Variants in LCP1 observed in about 807,000 individuals in gnomAD.
The protein encoded by LCP1 is lymphocyte cytosolic protein 1.
A neutral mutation model predicts 72.0 loss-of-function variants in LCP1; 23 were observed. The observed-to-expected ratio is 0.32, with a 90% CI of 0.23 to 0.45. The LOEUF (loss-of-function observed/expected upper bound fraction) is 0.45. Ranked by LOEUF, LCP1 falls within the 20% of genes least tolerant of loss-of-function variation. The probability of loss-of-function intolerance (pLI) is 1.00; values close to 1 mark genes in which losing one functional copy is unlikely to be tolerated. For synonymous variants in LCP1, 245 were observed against 275.4 expected (o/e 0.89, Z 1.09); for missense variants, 571 against 748.3 (o/e 0.76, Z 2.76).
At chr13:46,148,023 G>C (rs1354081550) in intron 9 of LCP1, among the ~76,000 whole-genome samples, 1 of 152,236 alleles carries the variant, frequency 6.6e-6, no homozygotes, top group Non-Finnish European at 1.5e-5. Context: ...CTCAAGATCA[G>C]TATTAAAGTG....
intron 1 of LCP1, among the ~76,000 whole-genome samples, chr13:46,181,254 T>C (rs1332476203): frequency 6.6e-6 from 1 of 152,236 alleles, no homozygotes; most frequent in Non-Finnish European, 1.5e-5. Context: ...TGTCAATGGT[T>C]CTTAGTGTTA....
At chr13:46,162,499 G>A (rs1319567950) in intron 1 of LCP1, among the ~76,000 whole-genome samples, 2 of 151,962 alleles carry the variant, frequency 1.3e-5, no homozygotes, top group Admixed American at 6.6e-5. Flanking sequence ...ACGGGGTTTC[G>A]CTGTGTTGGC....
rs1254594327 is a variant in LCP1, at chr13:46,127,449, C to T, written c.*142G>A. 2.0e-6 allele frequency: 2 copies of T among 1,012,146 alleles called. No individual in the cohort carries two copies. The highest frequency in any genetic ancestry group is 2.9e-6 in the Non-Finnish European group (2 of 699,434). 62.7% of individuals were successfully genotyped at this position (1,012,146 alleles called of 1,614,324 possible). ...TTTTTGTTAAATACAGGAGAGGCTA[C>T]TTGGCTGCACTAATATGTGCTTTTT... On this transcript the variant is annotated 3_prime_UTR_variant, in exon 16 of 16. Coordinates refer to ENST00000323076, the MANE Select transcript of LCP1 (RefSeq NM_002298.5).
chr13:46,152,889 G>A lies in LCP1; in HGVS notation c.630C>T (p.Asn210=), dbSNP rs745658598. ...CCTCCTTCAGGTCCTCAGCCCCTAT[G>A]TTGACCACATGGCACCCGATGGCTG... ...SASAIGCHVV[N]IGAEDLKEGK... The change falls in exon 7 of 16, where the codon AAC becomes AAT. Residue 210 remains asparagine, a synonymous_variant. Transcript: ENST00000323076. 3 of 1,614,110 alleles carry A rather than the reference G, an allele frequency of 1.9e-6. No individual in the cohort carries two copies. Among genetic ancestry groups the A allele is most frequent in the Non-Finnish European group, 2.5e-6 (3 of 1,180,010 alleles).
intron 10 of LCP1, 68 bp downstream of exon 10, chr13:46,146,840 G>T (rs2045733523): frequency 2.0e-6 from 3 of 1,485,606 alleles, no homozygotes; most frequent in Non-Finnish European, 2.8e-6. Flanking sequence ...TAGGAAGTGA[G>T]TTTGAATTGC....
chr13:46,132,447 T>C (rs893666325), intron 14 of LCP1, among the ~76,000 whole-genome samples: 5 of 152,170 alleles, frequency 3.3e-5, no homozygotes, highest in African/African-American at 1.2e-4. Context: ...TTACTAGCCA[T>C]ACTCTTAGGA....
intron 13 of LCP1, among the ~76,000 whole-genome samples, chr13:46,135,125 A>AAG (rs36091052): frequency 0.13 from 15,051 of 118,882 alleles, 1,230 homozygotes; most frequent in Non-Finnish European, 0.19. Flanking sequence ...AAAAAAAAAG[A>AAG]AAAAAAAAAA....
chr13:46,177,077 T>C (rs777577070), intron 1 of LCP1, among the ~76,000 whole-genome samples: 1 of 152,210 alleles, frequency 6.6e-6, no homozygotes, highest in Non-Finnish European at 1.5e-5. Flanking sequence ...ACAGGCTCCT[T>C]GTACTTGCAA....
chr13:46,160,553 T>G (rs79012506), intron 1 of LCP1, among the ~76,000 whole-genome samples: 1 of 152,234 alleles, frequency 6.6e-6, no homozygotes, highest in Non-Finnish European at 1.5e-5. Context: ...GACCCTCTCA[T>G]AATTCAGCTA....
chr13:46,171,556 C>T (rs370291568), intron 1 of LCP1, among the ~76,000 whole-genome samples: 49 of 152,224 alleles, frequency 3.2e-4, no homozygotes, highest in African/African-American at 1.1e-3. Context: ...AGAAAAGGGT[C>T]CTCTTTGCCC....
intron 6 of LCP1, 137 bp downstream of exon 6, chr13:46,154,668 G>A: frequency 1.5e-6 from 1 of 662,474 alleles, no homozygotes; most frequent in Non-Finnish European, 2.7e-6. Context: ...CTTTATCCCT[G>A]AAGTATGACA....
chr13:46,143,265 G>T, intron 12 of LCP1, 25 bp downstream of exon 12: 1 of 1,537,542 alleles, frequency 6.5e-7, no homozygotes, highest in Non-Finnish European at 9.0e-7. Context: ...CTGTCTCCTG[G>T]AACAACAGAA....
chr13:46,167,147 G>A (rs1324653705), intron 1 of LCP1, among the ~76,000 whole-genome samples: 2 of 152,140 alleles, frequency 1.3e-5, no homozygotes, highest in African/African-American at 4.8e-5. Flanking sequence ...GGAAGGTAGG[G>A]GGAAGGCTAT....
chr13:46,151,968 T>C (rs1019452164), intron 7 of LCP1, among the ~76,000 whole-genome samples: 5 of 152,240 alleles, frequency 3.3e-5, no homozygotes, highest in Admixed American at 6.5e-5. Flanking sequence ...GACAGCTACA[T>C]ATTTAGTTGA....
chr13:46,131,410 T>A (rs1436975300), intron 14 of LCP1, among the ~76,000 whole-genome samples: 1 of 152,204 alleles, frequency 6.6e-6, no homozygotes, highest in East Asian at 1.9e-4. Context: ...TTGGTGGGAA[T>A]GTAAATTAGT....
chr13:46,148,251 C>T (rs1204162115), intron 9 of LCP1, 101 bp downstream of exon 9: 2 of 776,736 alleles, frequency 2.6e-6, no homozygotes, highest in East Asian at 2.5e-5. Context: ...GGCAGAAATG[C>T]CCAGTCATGG....
intron 4 of LCP1, among the ~76,000 whole-genome samples, chr13:46,157,049 T>C (rs1487975576): frequency 1.3e-5 from 2 of 151,908 alleles, no homozygotes. Context: ...CTCGATTTCC[T>C]GACCTCGTGA....
At chr13:46,142,564 A>G in intron 12 of LCP1, 139 bp from the exon 13 acceptor site, 1 of 880,914 alleles carries the variant, frequency 1.1e-6, no homozygotes, top group Non-Finnish European at 1.7e-6. Flanking sequence ...CTGGTTCTGC[A>G]ATTCTAGGAT....
At chr13:46,180,472 G>C (rs1033244037) in intron 1 of LCP1, among the ~76,000 whole-genome samples, 1 of 152,154 alleles carries the variant, frequency 6.6e-6, no homozygotes, top group Admixed American at 6.5e-5. Flanking sequence ...TTGTTTCAAG[G>C]CATAATTTAC....
Sources: gnomAD v4.1 joint callset for allele counts (sites outside exome capture counted in the v4.1 genomes callset) on GRCh38, gnomAD v4.1.1 for gene constraint, MANE v1.5 for transcripts, NCBI Gene and HGNC (gene_info 2026-07-23, HGNC 2026-07-21) for gene names.